MBNL2: variants seen among roughly 807,000 people sequenced by gnomAD.
The protein encoded by MBNL2 is muscleblind-like protein 2.
MBNL2 carries 17 observed loss-of-function variants against 41.9 expected under a neutral mutation model. The observed-to-expected ratio is 0.41, with a 90% CI of 0.28 to 0.61. The LOEUF (loss-of-function observed/expected upper bound fraction) is 0.61, where lower values mean the gene tolerates loss of function less well. Ranked by LOEUF, MBNL2 falls within the 20% of genes least tolerant of loss-of-function variation. The probability of loss-of-function intolerance (pLI) is 0.35; values close to 1 mark genes in which losing one functional copy is unlikely to be tolerated. For missense variants in MBNL2, 336 were observed against 505.6 expected, an observed-to-expected ratio of 0.66 and a Z score of 3.22; for synonymous variants, 195 against 182.9, an observed-to-expected ratio of 1.07 and a Z score of -0.53.
At chr13:97,319,942 T>A (rs1395926823) in intron 2 of MBNL2, among the ~76,000 whole-genome samples, 1 of 152,134 alleles carries the variant, frequency 6.6e-6, no homozygotes, top group African/African-American at 2.4e-5. Context: ...TGGGGGTTGT[T>A]ATAGTTTATT....
At chr13:97,359,618 C>G (rs1236684165) in intron 7 of MBNL2, among the ~76,000 whole-genome samples, 1 of 152,184 alleles carries the variant, frequency 6.6e-6, no homozygotes, top group Admixed American at 6.5e-5. Flanking sequence ...ACCCATACGG[C>G]TACATTGGCT....
At chr13:97,339,866 T>TGGGG (rs1333514307) in intron 3 of MBNL2, among the ~76,000 whole-genome samples, 3 of 79,394 alleles carry the variant, frequency 3.8e-5, no homozygotes, top group African/African-American at 2.3e-4. Context: ...AACTGATTTG[T>TGGGG]GTGTGGGCGG....
Position 97,268,041 on chromosome 13 carries a change from G to C in MBNL2, c.-604-7591G>C, listed in dbSNP as rs948547187. Among the ~76,000 whole-genome samples, 3 of 152,168 alleles carry C rather than the reference G, an allele frequency of 2.0e-5. No homozygotes were observed. Among genetic ancestry groups the C allele is most frequent in the South Asian group, 2.1e-4 (1 of 4,820 alleles). On this transcript the variant is annotated intron_variant, in intron 1 of 8. Coordinates refer to ENST00000679496, the MANE Select transcript of MBNL2 (RefSeq NM_001382683.1). This position sits in a 1 kb window ranked among gnomAD's most constrained non-coding sequence, Gnocchi z 4.6. ...AGGGTATCTGATCCAGGACCTTGGT[G>C]GTGGGGCCTAAGAGTGTGCTTTTCT... is the stretch of plus-strand genomic sequence containing the variant.
intron 1 of MBNL2, among the ~76,000 whole-genome samples, chr13:97,237,899 G>T (rs1013815843): frequency 2.0e-5 from 3 of 152,288 alleles, no homozygotes; most frequent in East Asian, 1.9e-4. Flanking sequence ...GGCATGGGCT[G>T]GGATAGCAGC....
chr13:97,174,345 C>T, the MBNL2 span, among the ~76,000 whole-genome samples: 3 of 152,206 alleles, frequency 2.0e-5, no homozygotes, highest in African/African-American at 7.2e-5. Context: ...CTCTTGACTA[C>T]AGTTGCATCT....
intron 2 of MBNL2, among the ~76,000 whole-genome samples, chr13:97,286,731 G>C (rs969545901): frequency 6.6e-6 from 1 of 152,174 alleles, no homozygotes; most frequent in South Asian, 2.1e-4. Context: ...CTTGGCACTG[G>C]CTGTTCCCTC....
intron 3 of MBNL2, among the ~76,000 whole-genome samples, chr13:97,337,682 A>T (rs2061006192): frequency 6.6e-6 from 1 of 152,210 alleles, no homozygotes; most frequent in Non-Finnish European, 1.5e-5. Context: ...TCAAAATCAA[A>T]TTCTTCCCAT....
At chr13:97,333,474 C>T (rs1367319519) in intron 2 of MBNL2, among the ~76,000 whole-genome samples, 2 of 152,204 alleles carry the variant, frequency 1.3e-5, no homozygotes, top group Non-Finnish European at 2.9e-5. Context: ...ATTTGATACT[C>T]CTGTCATGGG....
chr13:97,365,131 A>G lies in MBNL2; in HGVS notation c.1013-5A>G, dbSNP rs2063749512. On this transcript the variant is annotated splice_region_variant and splice_polypyrimidine_tract_variant and intron_variant, in intron 7 of 8. Coordinates refer to ENST00000679496, the MANE Select transcript of MBNL2 (RefSeq NM_001382683.1). ...CTTTTTCCACCCACCATTGCATGACATCAGGGTCAGTTTTGTGCATGACAC... is the reference window on the plus strand; with the variant it reads ...CTTTTTCCACCCACCATTGCATGACGTCAGGGTCAGTTTTGTGCATGACAC... 3 of 1,600,948 alleles carry G rather than the reference A, an allele frequency of 1.9e-6. No homozygotes were observed. The highest frequency in any genetic ancestry group is 2.6e-6 in the Non-Finnish European group (3 of 1,168,002).
chr13:97,279,039 G>C (rs894881207), intron 2 of MBNL2, among the ~76,000 whole-genome samples: 1 of 152,224 alleles, frequency 6.6e-6, no homozygotes, highest in African/African-American at 2.4e-5. Context: ...TTCACATTAC[G>C]AGGTTCTTGT....
chr13:97,145,691 T>C, the MBNL2 span, among the ~76,000 whole-genome samples: 5 of 152,230 alleles, frequency 3.3e-5, no homozygotes, highest in Non-Finnish European at 7.3e-5. Flanking sequence ...CATTGGATGG[T>C]GTTTGGAACT....
At position 97,276,171 on chromosome 13, in the gene MBNL2, A is replaced by G. The variant is rs2052093001; in HGVS notation, c.-65A>G. The G allele has an allele frequency of 2.4e-6, 3 of 1,276,016 alleles. No individual in the cohort carries two copies. Among genetic ancestry groups the G allele is most frequent in the African/African-American group, 1.5e-5 (1 of 67,932 alleles). 79.0% of individuals were successfully genotyped at this position (1,276,016 alleles called of 1,614,324 possible). The stretch of plus-strand genomic sequence containing the variant: ...GAGTTTTCACAACAGTAGTTTTGGA[A>G]TCATTAGAACTTGGATTGATTTCAT... On this transcript the variant is annotated 5_prime_UTR_variant, in exon 2 of 9. Coordinates refer to ENST00000679496, the MANE Select transcript of MBNL2 (RefSeq NM_001382683.1).
intron 1 of MBNL2, among the ~76,000 whole-genome samples, chr13:97,249,209 T>A (rs1465436164): frequency 6.6e-6 from 1 of 152,198 alleles, no homozygotes; most frequent in Admixed American, 6.5e-5. Flanking sequence ...ATAATGTGAA[T>A]TCCCTATTTC....
intron 1 of MBNL2, 107 bp downstream of exon 1, chr13:97,222,638 C>G (rs1047723834): frequency 1.0e-5 from 4 of 394,696 alleles, no homozygotes; most frequent in African/African-American, 4.1e-5. Context: ...TCCACTAATT[C>G]AATTGTAATA....
At chr13:97,336,442 A>C (rs1409370696) in intron 3 of MBNL2, among the ~76,000 whole-genome samples, 1 of 152,182 alleles carries the variant, frequency 6.6e-6, no homozygotes, top group Non-Finnish European at 1.5e-5. Flanking sequence ...TAAATTAAGA[A>C]TCTTGAGATG....
chr13:97,157,789 T>C, the MBNL2 span, among the ~76,000 whole-genome samples: 6 of 151,472 alleles, frequency 4.0e-5, no homozygotes, highest in East Asian at 5.9e-4. Context: ...CTGCTGGATT[T>C]GGTTTGCCAG....
At chr13:97,192,180 A>C in the MBNL2 span, among the ~76,000 whole-genome samples, 18 of 152,348 alleles carry the variant, frequency 1.2e-4, 1 homozygote, top group Admixed American at 1.2e-3. Flanking sequence ...AGCAGAAAGA[A>C]TATTAAAGCA....
At chr13:97,327,958 G>A (rs1461128688) in intron 2 of MBNL2, among the ~76,000 whole-genome samples, 1 of 152,140 alleles carries the variant, frequency 6.6e-6, no homozygotes, top group African/African-American at 2.4e-5. Context: ...ATGAAGCTTA[G>A]GGAATGCCTA....
the MBNL2 span, among the ~76,000 whole-genome samples, chr13:97,212,644 A>G: frequency 6.6e-6 from 1 of 152,178 alleles, no homozygotes; most frequent in African/African-American, 2.4e-5. Flanking sequence ...AGGTTACTTA[A>G]TCATTCAGGT....
Sources: allele counts gnomAD v4.1 joint callset (sites outside exome capture counted in the v4.1 genomes callset), GRCh38; gene constraint gnomAD v4.1.1; non-coding constraint Gnocchi (gnomAD v3.1); transcripts MANE v1.5; gene names NCBI Gene and HGNC (gene_info 2026-07-23, HGNC 2026-07-21).